Variants in ADAMTSL1 observed in about 807,000 individuals in gnomAD.
ADAMTSL1 encodes ADAMTS-like protein 1.
A neutral mutation model predicts 201.8 loss-of-function variants in ADAMTSL1; 126 were observed. That is an observed-to-expected ratio of 0.62 (90% CI 0.54 to 0.72). The LOEUF (loss-of-function observed/expected upper bound fraction) is 0.72. Ranked by LOEUF, ADAMTSL1 falls within the 30% of genes least tolerant of loss-of-function variation. ADAMTSL1 has a pLI of 0.00. For missense variants in ADAMTSL1, 2,679 were observed against 2,277.8 expected (o/e 1.18, Z -3.59); for synonymous variants, 1,121 against 903.4 (o/e 1.24, Z -4.32).
chr9:18,886,166 G>GTATGTATATATA lies in ADAMTSL1; in HGVS notation c.4250-1662_4250-1661insGTATATATATAT, dbSNP rs55916376. Among the ~76,000 whole-genome samples the GTATGTATATATA allele has an allele frequency of 3.4e-3, 124 of 36,994 alleles. 1 individual carries two copies. The highest frequency in any genetic ancestry group is 4.2e-3 in the Non-Finnish European group (85 of 20,434). 24.3% of individuals were successfully genotyped at this position (36,994 alleles called of 152,430 possible). A position where few individuals can be genotyped will look rare whatever the true frequency, so the allele number is the denominator to read the frequency against. On this transcript the variant is annotated intron_variant, in intron 23 of 28. Coordinates refer to ENST00000380548, the MANE Select transcript of ADAMTSL1 (RefSeq NM_001040272.6). ...TATATATACATGTGAGTGTGTATGTGTATATATATATATATATATATATAT... is the reference window on the plus strand; with the variant it reads ...TATATATACATGTGAGTGTGTATGTGTATGTATATATATATATATATATATATATATATATAT...
chr9:18,271,988 C>G (rs1462870517), intron 2 of ADAMTSL1, among the ~76,000 whole-genome samples: 4 of 150,664 alleles, frequency 2.7e-5, no homozygotes, highest in Non-Finnish European at 4.5e-5. Flanking sequence ...TGAGAAGCGT[C>G]TGTTCATATC....
intron 1 of ADAMTSL1, among the ~76,000 whole-genome samples, chr9:18,033,295 T>C (rs973884915): frequency 1.3e-5 from 2 of 152,220 alleles, no homozygotes; most frequent in African/African-American, 4.8e-5. Flanking sequence ...ATGGGTGTAT[T>C]AATTAGCTTG....
chr9:18,382,869 G>C (rs917693547), intron 2 of ADAMTSL1, among the ~76,000 whole-genome samples: 4 of 152,158 alleles, frequency 2.6e-5, no homozygotes, highest in African/African-American at 9.7e-5. Context: ...CCTCTGTACA[G>C]ACTTCCAAAT....
chr9:18,436,022 G>C (rs556270560), intron 2 of ADAMTSL1, among the ~76,000 whole-genome samples: 1 of 152,140 alleles, frequency 6.6e-6, no homozygotes, highest in Non-Finnish European at 1.5e-5. Flanking sequence ...GTAGGTAAAC[G>C]TGTTTAAACA....
At chr9:18,725,429 G>A (rs1817821012) in intron 15 of ADAMTSL1, among the ~76,000 whole-genome samples, 1 of 152,140 alleles carries the variant, frequency 6.6e-6, no homozygotes. Flanking sequence ...AAGCAGTTAG[G>A]ACCATTTTTG....
At position 18,068,584 on chromosome 9, in the gene ADAMTSL1, C is replaced by G. The variant is rs538873770; in HGVS notation, c.88-95278C>G. Among the ~76,000 whole-genome samples, 83 of 152,214 alleles carry G rather than the reference C, an allele frequency of 5.5e-4. 1 individual carries two copies. In the South Asian group the frequency reaches 0.016, roughly 30 times the overall value. ...AAATGGTAAACCCCACAAGGAAAGG[C>G]TTCAACCCAGGGTTCCTAAAGGGAA... On this transcript the variant is annotated intron_variant, in intron 1 of 29. Coordinates refer to the ADAMTSL1 transcript ENST00000680146.
At chr9:18,618,215 G>A (rs1825820805) in intron 4 of ADAMTSL1, among the ~76,000 whole-genome samples, 1 of 152,166 alleles carries the variant, frequency 6.6e-6, no homozygotes. Context: ...TTCTTTGTGT[G>A]CACAGTTAAA....
At position 18,466,415 on chromosome 9, in the gene ADAMTSL1, C is replaced by CA. The variant is rs1395256532; in HGVS notation, c.208-38410dup. On this transcript the variant is annotated intron_variant, in intron 2 of 29. Transcript: ENST00000680146. ...CCAAATTCCTTCATGAAAGTCTTTT[C>CA]AAAAGAAAGGCTCACCATAATTTCA... 6.4e-4 allele frequency among the ~76,000 whole-genome samples: 97 copies of CA among 151,766 alleles called. 1 individual carries two copies. Among genetic ancestry groups the CA allele is most frequent in the African/African-American group, 2.2e-3 (90 of 41,422 alleles).
At chr9:18,681,697 T>TGTGGGGGGG (rs370940110) in intron 11 of ADAMTSL1, 115 bp from the exon 12 acceptor site, 20 of 240,328 alleles carry the variant, frequency 8.3e-5, no homozygotes, top group African/African-American at 7.1e-4. Context: ...AGTCCTCGTG[T>TGTGGGGGGG]GGGGGGGGGG....
chr9:18,487,162 AT>A (rs1822040028), intron 1 of ADAMTSL1, among the ~76,000 whole-genome samples: 1 of 152,248 alleles, frequency 6.6e-6, no homozygotes, highest in Non-Finnish European at 1.5e-5. Flanking sequence ...ATTTGAAAAA[AT>A]AACTCCTAAG....
At chr9:17,963,479 A>G (rs115703623) in intron 1 of ADAMTSL1, among the ~76,000 whole-genome samples, 1,692 of 152,258 alleles carry the variant, frequency 0.011, 29 homozygotes, top group African/African-American at 0.039. Context: ...TGGCAGCAGG[A>G]TTGTTCAAAT....
intron 1 of ADAMTSL1, among the ~76,000 whole-genome samples, chr9:18,002,327 C>A (rs963457571): frequency 1.3e-5 from 2 of 151,952 alleles, no homozygotes; most frequent in Admixed American, 6.6e-5. Context: ...CACCTGAGTT[C>A]AGATTCTGGT....
intron 2 of ADAMTSL1, among the ~76,000 whole-genome samples, chr9:18,236,858 G>A (rs1489706816): frequency 6.6e-6 from 1 of 152,142 alleles, no homozygotes; most frequent in Non-Finnish European, 1.5e-5. Context: ...TGTAATAAAT[G>A]TCTTATCTTA....
intron 2 of ADAMTSL1, among the ~76,000 whole-genome samples, chr9:18,221,379 C>T (rs10963526): frequency 0.21 from 32,559 of 152,126 alleles, 3,647 homozygotes; most frequent in Non-Finnish European, 0.26. Flanking sequence ...TGTGTTCACA[C>T]AGTGCCCCTT....
chr9:18,383,925 G>A (rs1254862587), intron 2 of ADAMTSL1, among the ~76,000 whole-genome samples: 1 of 152,094 alleles, frequency 6.6e-6, no homozygotes, highest in Non-Finnish European at 1.5e-5. Context: ...TGATTCAGTA[G>A]GTCTAGAATA....
chr9:18,240,799 A>G (rs1056516384), intron 2 of ADAMTSL1, among the ~76,000 whole-genome samples: 3 of 152,150 alleles, frequency 2.0e-5, no homozygotes, highest in African/African-American at 7.2e-5. Context: ...GATCTTCTGG[A>G]TAACTTGCTG....
chr9:18,634,900 T>G (rs1827011620), intron 5 of ADAMTSL1, among the ~76,000 whole-genome samples: 1 of 116,002 alleles, frequency 8.6e-6, no homozygotes, highest in East Asian at 2.2e-4. Flanking sequence ...TGTATGTAAA[T>G]ATATATTTAA....
At chr9:18,242,421 A>T (rs1831106805) in intron 2 of ADAMTSL1, among the ~76,000 whole-genome samples, 1 of 152,160 alleles carries the variant, frequency 6.6e-6, no homozygotes, top group Non-Finnish European at 1.5e-5. Context: ...ATGGGGAAAA[A>T]CTGAAAGCTT....
At chr9:18,815,150 T>A (rs1162353015) in intron 20 of ADAMTSL1, among the ~76,000 whole-genome samples, 1 of 152,136 alleles carries the variant, frequency 6.6e-6, no homozygotes, top group Non-Finnish European at 1.5e-5. Flanking sequence ...ACAGCTTAGA[T>A]GTTCCTCAAA....
Sources: allele counts gnomAD v4.1 joint callset (sites outside exome capture counted in the v4.1 genomes callset), GRCh38; gene constraint gnomAD v4.1.1; transcripts MANE v1.5; gene names NCBI Gene and HGNC (gene_info 2026-07-23, HGNC 2026-07-21).